The following RYR3 variants were observed in gnomAD, a reference collection of about 807,000 sequenced individuals.
RYR3 encodes the protein ryanodine receptor 3, also known as brain ryanodine receptor-calcium release channel.
In RYR3, 207 loss-of-function variants were observed where a neutral mutation model predicts 584.3. The observed-to-expected ratio is 0.35, with a 90% CI of 0.32 to 0.40. The LOEUF is 0.40. Ranked by LOEUF, RYR3 falls within the 10% of genes least tolerant of loss-of-function variation. RYR3 has a pLI of 1.00. For missense variants in RYR3, 5,616 were observed against 6,089.2 expected, an observed-to-expected ratio of 0.92 and a Z score of 2.59; for synonymous variants, 2,416 against 2,248.5, an observed-to-expected ratio of 1.07 and a Z score of -2.11.
chr15:33,848,847 T>TG lies in RYR3; in HGVS notation c.13628+426_13628+427insG, dbSNP rs1408172349. On this transcript the variant is annotated intron_variant, in intron 94 of 103. Coordinates refer to ENST00000634891, the MANE Select transcript of RYR3 (RefSeq NM_001036.6). ...TCCTCTTTTTTTTTTTTTTTTTTTT[T>TG]TTTTTTGAGACAGAGTCTCCCTTTG... Among the ~76,000 whole-genome samples the TG allele has an allele frequency of 2.6e-3, 374 of 144,208 alleles. 5 individuals are homozygous for TG. Among genetic ancestry groups the TG allele is most frequent in the Non-Finnish European group, 3.6e-3 (239 of 66,062 alleles). 94.6% of individuals were successfully genotyped at this position (144,208 alleles called of 152,430 possible). A position where few individuals can be genotyped will look rare whatever the true frequency, so the allele number is the denominator to read the frequency against.
intron 11 of RYR3, among the ~76,000 whole-genome samples, chr15:33,566,121 G>T (rs1159177425): frequency 6.6e-6 from 1 of 152,214 alleles, no homozygotes; most frequent in Non-Finnish European, 1.5e-5. Flanking sequence ...TGATATCAGA[G>T]CCCATGCTTT....
At chr15:33,626,390 G>C (rs1271510923) in intron 20 of RYR3, among the ~76,000 whole-genome samples, 1 of 152,200 alleles carries the variant, frequency 6.6e-6, no homozygotes, top group Non-Finnish European at 1.5e-5. Flanking sequence ...TAGGGTATCT[G>C]GGGGAAGAAA....
intron 1 of RYR3, among the ~76,000 whole-genome samples, chr15:33,365,789 A>G (rs1031731493): frequency 2.0e-5 from 3 of 152,194 alleles, no homozygotes; most frequent in Non-Finnish European, 4.4e-5. Context: ...GGTGGTGGTG[A>G]TGGCTTCACT....
chr15:33,536,889 T>A (rs866125971), intron 5 of RYR3, among the ~76,000 whole-genome samples: 2 of 152,178 alleles, frequency 1.3e-5, no homozygotes, highest in African/African-American at 4.8e-5. Flanking sequence ...ATTAAAACAA[T>A]GCTTTTTAAA....
chr15:33,821,001 C>T (rs1039407471), intron 78 of RYR3, among the ~76,000 whole-genome samples, 189 bp downstream of exon 78: 2 of 69,064 alleles, frequency 2.9e-5, no homozygotes, highest in East Asian at 9.0e-4. Flanking sequence ...TGTTGCGTTG[C>T]TTCCCACAAT....
chr15:33,464,511 CAT>C (rs2048333033), intron 1 of RYR3, among the ~76,000 whole-genome samples: 3 of 124,064 alleles, frequency 2.4e-5, no homozygotes, highest in African/African-American at 8.6e-5. Flanking sequence ...TATACATACA[CAT>C]ACACATATAT....
At chr15:33,693,179 T>C (rs2065573582) in intron 38 of RYR3, among the ~76,000 whole-genome samples, 2 of 152,198 alleles carry the variant, frequency 1.3e-5, no homozygotes, top group African/African-American at 4.8e-5. Flanking sequence ...TTGTCTTGCT[T>C]TCCTTCTTAC....
intron 14 of RYR3, among the ~76,000 whole-genome samples, chr15:33,584,020 C>G (rs1224413795): frequency 6.6e-6 from 1 of 151,436 alleles, no homozygotes; most frequent in South Asian, 2.1e-4. Context: ...CCACTGTACT[C>G]CAGCCTGGGC....
chr15:33,708,047 A>G (rs996959946), intron 43 of RYR3, among the ~76,000 whole-genome samples: 1 of 152,030 alleles, frequency 6.6e-6, no homozygotes, highest in African/African-American at 2.4e-5. Context: ...CTTCCTAATC[A>G]ACTCTCTCTG....
At chr15:33,314,029 G>C (rs1164874211) in intron 1 of RYR3, among the ~76,000 whole-genome samples, 2 of 152,178 alleles carry the variant, frequency 1.3e-5, no homozygotes, top group Non-Finnish European at 2.9e-5. Context: ...TTTTGGTTAT[G>C]TCCTCTGATA....
At chr15:33,865,040 T>A in intron 103 of RYR3, 91 bp from the exon 104 acceptor site, 1 of 898,892 alleles carries the variant, frequency 1.1e-6, no homozygotes, top group Non-Finnish European at 1.8e-6. Flanking sequence ...ACATCAGTCT[T>A]CCTAAAGGGA....
chr15:33,546,689 A>G (rs1279267147), intron 8 of RYR3, among the ~76,000 whole-genome samples: 2 of 152,168 alleles, frequency 1.3e-5, no homozygotes, highest in Non-Finnish European at 2.9e-5. Flanking sequence ...GCAAACTGAG[A>G]CACAGAGAGT....
intron 16 of RYR3, among the ~76,000 whole-genome samples, chr15:33,594,975 T>G (rs2059299850): frequency 6.6e-6 from 1 of 152,206 alleles, no homozygotes; most frequent in African/African-American, 2.4e-5. Flanking sequence ...CCAAATACCA[T>G]TTCATATTTG....
intron 49 of RYR3, among the ~76,000 whole-genome samples, chr15:33,736,563 C>G (rs1048755603): frequency 2.0e-5 from 3 of 152,144 alleles, no homozygotes; most frequent in Admixed American, 6.5e-5. Flanking sequence ...TGATATTTAG[C>G]TGCATTTAAT....
intron 1 of RYR3, 45 bp from the exon 2 acceptor site, chr15:33,473,374 C>T (rs1341239917): frequency 2.5e-6 from 4 of 1,612,114 alleles, no homozygotes; most frequent in Non-Finnish European, 2.5e-6. Context: ...GGGCCTGGCT[C>T]AGCAGTTCCC....
At chr15:33,523,148 C>A (rs1317377035) in intron 3 of RYR3, among the ~76,000 whole-genome samples, 1 of 152,040 alleles carries the variant, frequency 6.6e-6, no homozygotes, top group Non-Finnish European at 1.5e-5. Flanking sequence ...GTAAACACAC[C>A]AATCAGCACT....
chr15:33,821,461 C>T lies in RYR3; in HGVS notation c.10916-62C>T, dbSNP rs1008732576. The T allele has an allele frequency of 5.0e-6, 8 of 1,600,170 alleles. No individual in the cohort carries two copies. In the Admixed American group the frequency reaches 1.3e-4, roughly 27 times the overall value. On this transcript the variant is annotated intron_variant, in intron 79 of 103. Transcript: ENST00000634891. ...CCATTATTAAAGAGCCCTGCTAAGG[C>T]CCAGGAGGCATGATTTACCATCTGT...
chr15:33,511,338 A>AAC (rs1567409553), intron 3 of RYR3, among the ~76,000 whole-genome samples: 1 of 151,550 alleles, frequency 6.6e-6, no homozygotes, highest in Non-Finnish European at 1.5e-5. Flanking sequence ...TTAAAAAAAA[A>AAC]AAAAAAAAAA....
Position 33,536,737 on chromosome 15 carries a change from A to G in RYR3, c.434-2613A>G, listed in dbSNP as rs73384672. On this transcript the variant is annotated intron_variant, in intron 5 of 103. Transcript: ENST00000634891. ...TTAGTTTAATTGAAGTAGTACTCAC[A>G]CATAGATTAAAGAGAGAAATAGTGC... is the stretch of plus-strand genomic sequence containing the variant. Among the ~76,000 whole-genome samples the G allele has an allele frequency of 4.6e-3, 704 of 152,348 alleles. 3 individuals carry two copies. Among genetic ancestry groups the G allele is most frequent in the African/African-American group, 0.016 (674 of 41,580 alleles).
Sources: gnomAD v4.1 joint callset for allele counts (sites outside exome capture counted in the v4.1 genomes callset) on GRCh38, gnomAD v4.1.1 for gene constraint, MANE v1.5 for transcripts, NCBI Gene and HGNC (gene_info 2026-07-23, HGNC 2026-07-21) for gene names.